The following ERC2 variants were observed in gnomAD, a reference collection of about 807,000 sequenced individuals.
ERC2 encodes the protein ELKS/RAB6-interacting/CAST family member 2, also known as ERC protein 2.
ERC2 carries 42 observed loss-of-function variants against 114.8 expected under a neutral mutation model. The observed-to-expected ratio is 0.37, with a 90% CI of 0.29 to 0.47. The LOEUF is 0.47. Ranked by LOEUF, ERC2 falls within the 20% of genes least tolerant of loss-of-function variation. The probability of loss-of-function intolerance (pLI) is 0.99; values close to 1 mark genes in which losing one functional copy is unlikely to be tolerated. For missense variants in ERC2, 939 were observed against 1,150.7 expected (o/e 0.82, Z 2.66); for synonymous variants, 454 against 425.5 (o/e 1.07, Z -0.82).
intron 3 of ERC2, among the ~76,000 whole-genome samples, chr3:56,267,912 T>C (rs970537919): frequency 6.6e-6 from 1 of 152,212 alleles, no homozygotes; most frequent in Non-Finnish European, 1.5e-5. Flanking sequence ...TTATTAACTA[T>C]AGTTTTATAG....
chr3:55,961,842 T>A (rs1576371891), intron 12 of ERC2, among the ~76,000 whole-genome samples: 1 of 125,150 alleles, frequency 8.0e-6, no homozygotes, highest in South Asian at 2.7e-4. Context: ...ACCAATGAAA[T>A]GATACCCAGT....
At chr3:55,607,167 C>A (rs2058674381) in intron 17 of ERC2, among the ~76,000 whole-genome samples, 1 of 152,064 alleles carries the variant, frequency 6.6e-6, no homozygotes. Context: ...GAACACAGAC[C>A]CTGCCCCCAT....
intron 14 of ERC2, among the ~76,000 whole-genome samples, chr3:55,861,970 T>G (rs1222418200): frequency 2.0e-5 from 3 of 152,266 alleles, no homozygotes; most frequent in Admixed American, 6.5e-5. Context: ...CAGCCAGTGT[T>G]AAACATCACT....
intron 13 of ERC2, among the ~76,000 whole-genome samples, chr3:55,918,655 T>A (rs371150324): frequency 6.6e-6 from 1 of 151,796 alleles, no homozygotes; most frequent in Non-Finnish European, 1.5e-5. Flanking sequence ...TGAAACACTG[T>A]CTTAAGAATG....
rs534954850 is a variant in ERC2, at chr3:55,713,768, C to A, written c.2713-14256G>T. Among the ~76,000 whole-genome samples the A allele has an allele frequency of 2.3e-4, 35 of 152,306 alleles. No individual in the cohort carries two copies. The South Asian group carries it at 3.5e-3, about 15-fold the overall frequency. ...AGAGGTGACAGGATTCCCTAATCAA[C>A]CTGCCTATTATAAAGCTGTTCAATC... is the stretch of plus-strand genomic sequence containing the variant. On this transcript the variant is annotated intron_variant, in intron 15 of 17. Transcript: ENST00000288221.
At chr3:55,939,982 T>C (rs571141689) in intron 13 of ERC2, among the ~76,000 whole-genome samples, 3 of 152,354 alleles carry the variant, frequency 2.0e-5, no homozygotes, top group South Asian at 2.1e-4. Flanking sequence ...ATTCTCAAAA[T>C]GGCAGACCCT....
chr3:55,709,856 G>A (rs905353775), intron 15 of ERC2, among the ~76,000 whole-genome samples: 1 of 152,168 alleles, frequency 6.6e-6, no homozygotes, highest in Non-Finnish European at 1.5e-5. Context: ...TGGCAGCTGG[G>A]AGGGAGAACG....
chr3:56,083,799 A>C (rs2077362096), intron 6 of ERC2, among the ~76,000 whole-genome samples: 1 of 152,092 alleles, frequency 6.6e-6, no homozygotes, highest in African/African-American at 2.4e-5. Flanking sequence ...CATAGCAGGA[A>C]GTCAACAGAT....
chr3:55,907,672 G>T (rs988901860), intron 13 of ERC2, among the ~76,000 whole-genome samples: 1 of 152,188 alleles, frequency 6.6e-6, no homozygotes, highest in African/African-American at 2.4e-5. Flanking sequence ...AGTTTGGACT[G>T]ATGAAGGCTC....
At chr3:55,660,188 T>G (rs2148706219) in intron 17 of ERC2, among the ~76,000 whole-genome samples, 1 of 152,336 alleles carries the variant, frequency 6.6e-6, no homozygotes, top group Middle Eastern at 3.4e-3. Context: ...TCACAATTTC[T>G]GTACATGCAA....
intron 3 of ERC2, among the ~76,000 whole-genome samples, chr3:56,227,067 C>T (rs755303204): frequency 6.6e-6 from 1 of 152,132 alleles, no homozygotes; most frequent in African/African-American, 2.4e-5. Context: ...TCAGCTCTCC[C>T]TAATCATTCC....
At chr3:55,979,251 G>A (rs1576435201) in intron 12 of ERC2, among the ~76,000 whole-genome samples, 1 of 152,178 alleles carries the variant, frequency 6.6e-6, no homozygotes, top group South Asian at 2.1e-4. Flanking sequence ...GTTCAGCCAC[G>A]AGAATATTCC....
chr3:56,233,526 C>G (rs2050758044), intron 3 of ERC2, among the ~76,000 whole-genome samples: 2 of 152,138 alleles, frequency 1.3e-5, no homozygotes, highest in South Asian at 4.2e-4. Flanking sequence ...TGCCTATAAT[C>G]CCAGCTACTC....
intron 6 of ERC2, among the ~76,000 whole-genome samples, chr3:56,093,280 AC>A (rs1321040608): frequency 1.3e-5 from 2 of 152,118 alleles, no homozygotes; most frequent in African/African-American, 4.8e-5. Context: ...CATGTAAATA[AC>A]TCTTATAAAT....
intron 16 of ERC2, among the ~76,000 whole-genome samples, chr3:55,696,744 T>C (rs996067028): frequency 1.2e-4 from 18 of 152,122 alleles, no homozygotes; most frequent in African/African-American, 4.3e-4. Flanking sequence ...AAATCTCCAG[T>C]ATAGGACAAG....
chr3:56,219,326 TG>T (rs1302183365), intron 3 of ERC2, among the ~76,000 whole-genome samples: 3 of 151,728 alleles, frequency 2.0e-5, no homozygotes, highest in African/African-American at 4.8e-5. Context: ...TCTTCTTAGG[TG>T]GGACAATAAT....
At chr3:56,368,391 C>A (rs1401973379) in intron 2 of ERC2, among the ~76,000 whole-genome samples, 2 of 151,942 alleles carry the variant, frequency 1.3e-5, no homozygotes, top group Non-Finnish European at 2.9e-5. Context: ...AATAAAGCCA[C>A]CCCAGATGTT....
At chr3:56,090,542 G>A (rs1285673839) in intron 6 of ERC2, among the ~76,000 whole-genome samples, 1 of 152,030 alleles carries the variant, frequency 6.6e-6, no homozygotes. Flanking sequence ...ATAAATACAA[G>A]TTTTAGCATA....
At chr3:55,668,824 G>A (rs1460819434) in intron 17 of ERC2, among the ~76,000 whole-genome samples, 1 of 152,182 alleles carries the variant, frequency 6.6e-6, no homozygotes, top group Non-Finnish European at 1.5e-5. Context: ...TGAGAGATGA[G>A]TAAGAATATA....
Sources: allele counts gnomAD v4.1 joint callset (sites outside exome capture counted in the v4.1 genomes callset), GRCh38; gene constraint gnomAD v4.1.1; transcripts MANE v1.5; gene names NCBI Gene and HGNC (gene_info 2026-07-23, HGNC 2026-07-21).